RGPD1: variants seen among roughly 807,000 people sequenced by gnomAD.
RGPD1 encodes RANBP2-like and GRIP domain-containing protein 1.
RGPD1 carries 7 observed loss-of-function variants against 40.6 expected under a neutral mutation model. The ratio of observed to expected loss-of-function variants is 0.17; its 90% confidence interval spans 0.10 to 0.32. RGPD1 has a LOEUF of 0.32. Ranked by LOEUF, RGPD1 falls within the 10% of genes least tolerant of loss-of-function variation. The pLI is 1.00. For missense variants in RGPD1, 50 were observed against 472.5 expected (o/e 0.11, Z 8.29); for synonymous variants, 24 against 167.0 (o/e 0.14, Z 6.60).
chr2:86,914,114 T>TCGGCCC (rs1677604059), intron 1 of RGPD1, among the ~76,000 whole-genome samples: 1 of 39,870 alleles, frequency 2.5e-5, no homozygotes, highest in Non-Finnish European at 4.1e-5. Context: ...GGCGGCGGCC[T>TCGGCCC]CGGCCCCGGC....
intron 21 of RGPD1, among the ~76,000 whole-genome samples, chr2:86,997,097 T>C (rs1453062450): frequency 4.0e-5 from 6 of 150,014 alleles, no homozygotes; most frequent in Non-Finnish European, 5.9e-5. Context: ...CTCTTGTCAG[T>C]GATACTTGGT....
rs762071919 is a variant in RGPD1 at position 86,913,921 on chromosome 2, G to A, written c.72G>A (p.Lys24=). The A allele has an allele frequency of 7.7e-5, 117 of 1,514,224 alleles. 3 individuals are homozygous for A. The highest frequency in any genetic ancestry group is 2.4e-4 in the Middle Eastern group (1 of 4,146). The allele number at this position is 1,514,224 out of a possible 1,614,324, so 93.8% of individuals were successfully genotyped here. A position where few individuals can be genotyped will look rare whatever the true frequency, so the allele number is the denominator to read the frequency against. The change falls in exon 1 of 23, where the codon AAG becomes AAA. Residue 24 remains lysine (K), a splice_region_variant and synonymous_variant. Transcript: ENST00000398193. ...AGGGCTCCGCCCCGTCGCCTGGAAA[G>A]GTGAGTGGATCTCGAAGAGACCGAC...
chr2:86,915,223 A>C (rs1027166572), intron 1 of RGPD1, among the ~76,000 whole-genome samples: 1 of 150,602 alleles, frequency 6.6e-6, no homozygotes, highest in African/African-American at 2.4e-5. Flanking sequence ...TTGAACCCAG[A>C]ATGCGGAGGT....
intron 1 of RGPD1, among the ~76,000 whole-genome samples, chr2:86,943,329 A>T (rs2104769598): frequency 7.0e-6 from 1 of 141,858 alleles, no homozygotes; most frequent in African/African-American, 2.6e-5. Context: ...TAAAAAAAAA[A>T]AAATTCTAAA....
intron 1 of RGPD1, among the ~76,000 whole-genome samples, chr2:86,931,933 A>G (rs1184145338): frequency 1.3e-5 from 2 of 148,404 alleles, no homozygotes; most frequent in Non-Finnish European, 3.0e-5. Context: ...TATTCATTAT[A>G]TATATATTTA....
At chr2:86,918,117 G>T (rs1238801854) in intron 1 of RGPD1, among the ~76,000 whole-genome samples, 2 of 150,684 alleles carry the variant, frequency 1.3e-5, no homozygotes, top group African/African-American at 4.9e-5. Context: ...TGCTTAGGAT[G>T]TGAAGAGGAA....
At chr2:86,938,543 C>A (rs1346698980), upstream of RGPD1, among the ~76,000 whole-genome samples, 1 of 147,636 alleles carries the variant, frequency 6.8e-6, no homozygotes, top group Non-Finnish European at 1.5e-5. Context: ...CGCCTAGACT[C>A]AATCAAGTTA....
chr2:86,942,542 C>CTGCGGCGGCGGCCTCGACCTGGCCG (rs1213918542), intron 1 of RGPD1, among the ~76,000 whole-genome samples: 1 of 74,042 alleles, frequency 1.4e-5, no homozygotes, highest in Admixed American at 1.2e-4. Context: ...CCTGGCCGGG[C>CTGCGGCGGCGGCCTCGACCTGGCCG]GGCGGCGGCG....
chr2:86,915,070 T>G (rs576976607), intron 1 of RGPD1, among the ~76,000 whole-genome samples: 2 of 149,472 alleles, frequency 1.3e-5, no homozygotes, highest in East Asian at 4.0e-4. Flanking sequence ...CTGAGGCAGG[T>G]GGATCGCTTG....
At chr2:86,939,422 T>C (rs1442886072), upstream of RGPD1, among the ~76,000 whole-genome samples, 1 of 150,196 alleles carries the variant, frequency 6.7e-6, no homozygotes, top group African/African-American at 2.5e-5. Flanking sequence ...CTACTAAAAA[T>C]ACAACAATTA....
At position 87,013,595 on chromosome 2, in the gene RGPD1, A is replaced by G. The variant is rs1682277195; in HGVS notation, c.*1048A>G. The G allele has an allele frequency of 5.8e-5, 3 of 52,112 alleles. No individual in the cohort carries two copies. Among genetic ancestry groups the G allele is most frequent in the South Asian group, 6.4e-4 (1 of 1,556 alleles). 3.2% of individuals were successfully genotyped at this position (52,112 alleles called of 1,614,324 possible). The stretch of plus-strand genomic sequence containing the variant: ...GCTGAAAGAGATCCAACCCACTTCT[A>G]TTTCTTCAGGCTCCCAGTGATATGA... On this transcript the variant is annotated 3_prime_UTR_variant, in exon 23 of 23. Coordinates refer to ENST00000641458, the MANE Select transcript of RGPD1 (RefSeq NM_001382344.1).
At chr2:86,914,334 G>T (rs1677640199) in intron 1 of RGPD1, among the ~76,000 whole-genome samples, 2 of 17,060 alleles carry the variant, frequency 1.2e-4, no homozygotes, top group Non-Finnish European at 2.0e-4. Context: ...GCCTGGCCGG[G>T]CGGCGGCGGC....
intron 1 of RGPD1, among the ~76,000 whole-genome samples, chr2:86,928,499 TGGTAAATGA>T (rs1304903154): frequency 1.3e-5 from 2 of 151,932 alleles, no homozygotes. Context: ...ATGAGTAGTA[TGGTAAATGA>T]GGTAAATGAA....
At chr2:87,009,086 G>A (rs943408213) in intron 22 of RGPD1, among the ~76,000 whole-genome samples, 4 of 143,044 alleles carry the variant, frequency 2.8e-5, no homozygotes, top group South Asian at 2.2e-4. Context: ...CGGGCAGATC[G>A]CAAGGTCAGG....
rs1444346591 is a variant in RGPD1, at chr2:86,943,035, T to C, written c.72+727T>C. On this transcript the variant is annotated intron_variant, in intron 1 of 22. Transcript: ENST00000641458. Reference sequence around the variant, plus strand: ...GGGTTTCTTCCCATGTCCTGGACATTTACTTTATATGCTGCGGCGGAGGTC... The same window carrying C: ...GGGTTTCTTCCCATGTCCTGGACATCTACTTTATATGCTGCGGCGGAGGTC... Among the ~76,000 whole-genome samples the C allele has an allele frequency of 7.3e-5, 11 of 151,436 alleles. No homozygotes were observed. The South Asian group carries it at 2.1e-3, about 29-fold the overall frequency.
At chr2:86,941,750 G>T (rs1345206666), upstream of RGPD1, among the ~76,000 whole-genome samples, 1 of 149,488 alleles carries the variant, frequency 6.7e-6, no homozygotes. Flanking sequence ...TCTTACTCTC[G>T]CCCAGGCTTG....
chr2:86,943,877 G>A (rs1347326464), intron 1 of RGPD1, among the ~76,000 whole-genome samples: 4 of 152,080 alleles, frequency 2.6e-5, no homozygotes, highest in African/African-American at 4.8e-5. Flanking sequence ...AGCCGGGCGT[G>A]GTGGTGCACA....
At chr2:86,915,369 A>T (rs1298074033) in intron 1 of RGPD1, among the ~76,000 whole-genome samples, 2 of 149,044 alleles carry the variant, frequency 1.3e-5, no homozygotes, top group Non-Finnish European at 3.0e-5. Context: ...CTGCTGGTAA[A>T]TGGTATTCCA....
At chr2:86,923,334 C>T (rs1678178371) in intron 1 of RGPD1, among the ~76,000 whole-genome samples, 1 of 151,720 alleles carries the variant, frequency 6.6e-6, no homozygotes, top group Non-Finnish European at 1.5e-5. Context: ...GCCACTGCAC[C>T]TGGCCTCCAT....
Sources: allele counts gnomAD v4.1 joint callset (sites outside exome capture counted in the v4.1 genomes callset), GRCh38; gene constraint gnomAD v4.1.1; transcripts MANE v1.5; gene names NCBI Gene and HGNC (gene_info 2026-07-23, HGNC 2026-07-21).